Variants in CTTNBP2NL observed in about 807,000 individuals in gnomAD.
CTTNBP2NL encodes CTTNBP2 N-terminal-like protein.
In CTTNBP2NL, 16 loss-of-function variants were observed where a neutral mutation model predicts 32.5. That is an observed-to-expected ratio of 0.49 (90% CI 0.33 to 0.75). The LOEUF (loss-of-function observed/expected upper bound fraction) is 0.75, where lower values mean the gene tolerates loss of function less well. Ranked by LOEUF, CTTNBP2NL falls within the 30% of genes least tolerant of loss-of-function variation. The probability of loss-of-function intolerance (pLI) is 0.02; values close to 1 mark genes in which losing one functional copy is unlikely to be tolerated. For missense variants in CTTNBP2NL, 645 were observed against 756.0 expected (o/e 0.85, Z 1.72); for synonymous variants, 298 against 289.4 (o/e 1.03, Z -0.30).
In CTTNBP2NL at chr1:112,459,619, G is replaced by A. The variant is rs1027234504; in HGVS notation, c.*2207G>A. ...AGGTGTCTATCAAAATGATGTAGGG[G>A]GTATCTTAAACTGTCCAAGGCAATC... On this transcript the variant is annotated 3_prime_UTR_variant, in exon 6 of 6. Coordinates refer to ENST00000271277, the MANE Select transcript of CTTNBP2NL (RefSeq NM_018704.3). 1 of 152,098 alleles carries A rather than the reference G, an allele frequency of 6.6e-6. No homozygotes were observed. Among genetic ancestry groups the A allele is most frequent in the Non-Finnish European group, 1.5e-5 (1 of 68,014 alleles). The allele number at this position is 152,098 out of a possible 1,614,324, so 9.4% of individuals were successfully genotyped here. A position where few individuals can be genotyped will look rare whatever the true frequency, so the allele number is the denominator to read the frequency against.
rs114065450 is a variant in CTTNBP2NL, at chr1:112,440,874, C to G, written c.100-8068C>G. On this transcript the variant is annotated intron_variant, in intron 3 of 5. Transcript: ENST00000271277. ...TAGATATGTAAAAAGCACACTGTTT[C>G]GCAGGCAATAAACGCTCGAGTGTTA... 6.3e-3 allele frequency among the ~76,000 whole-genome samples: 960 copies of G among 152,138 alleles called. 9 individuals are homozygous for G. Among genetic ancestry groups the G allele is most frequent in the African/African-American group, 0.022 (902 of 41,526 alleles).
intron 3 of CTTNBP2NL, among the ~76,000 whole-genome samples, chr1:112,418,902 G>T (rs965061290): frequency 6.6e-6 from 1 of 152,054 alleles, no homozygotes; most frequent in Admixed American, 6.5e-5. Context: ...ATTCCACATC[G>T]GGTATATTAC....
intron 1 of CTTNBP2NL, among the ~76,000 whole-genome samples, chr1:112,403,224 C>G (rs907074173): frequency 2.0e-5 from 3 of 152,266 alleles, no homozygotes; most frequent in African/African-American, 7.2e-5. Flanking sequence ...TTTCCATTTT[C>G]TCTTCAGTCA....
At chr1:112,415,081 C>T (rs936313685) in intron 2 of CTTNBP2NL, among the ~76,000 whole-genome samples, 7 of 152,016 alleles carry the variant, frequency 4.6e-5, no homozygotes, top group Non-Finnish European at 8.8e-5. Flanking sequence ...ATCCTAGCTA[C>T]TTGGGAGGCT....
intron 1 of CTTNBP2NL, among the ~76,000 whole-genome samples, chr1:112,407,461 C>G (rs758632527): frequency 2.0e-5 from 3 of 152,210 alleles, no homozygotes; most frequent in Non-Finnish European, 4.4e-5. Flanking sequence ...TGTCTTAACT[C>G]TGACCCGTCT....
intron 1 of CTTNBP2NL, among the ~76,000 whole-genome samples, chr1:112,407,276 G>C (rs183261996): frequency 1.3e-5 from 2 of 152,314 alleles, no homozygotes; most frequent in East Asian, 1.9e-4. Flanking sequence ...TGGTTAACAT[G>C]TTGTGTGAGT....
intron 3 of CTTNBP2NL, among the ~76,000 whole-genome samples, chr1:112,420,143 A>G (rs1649180803): frequency 6.9e-6 from 1 of 145,008 alleles, no homozygotes; most frequent in Admixed American, 6.8e-5. Flanking sequence ...TTAGAGTTGG[A>G]GTGGCTTTTT....
At chr1:112,448,899 A>T in intron 3 of CTTNBP2NL, 43 bp from the exon 4 acceptor site, 1 of 1,105,580 alleles carries the variant, frequency 9.0e-7, no homozygotes, top group Non-Finnish European at 1.4e-6. Flanking sequence ...CTTCCTCAGT[A>T]GTTTTAAAAA....
At position 112,420,875 on chromosome 1, in the gene CTTNBP2NL, A is replaced by G. The variant is rs529712368; in HGVS notation, c.99+4611A>G. ...TCAAAACCATCAACCAGAACATTCA[A>G]TTAAGTGTAGCTGTTAGGAATGTGA... On this transcript the variant is annotated intron_variant, in intron 3 of 5. Coordinates refer to ENST00000271277, the MANE Select transcript of CTTNBP2NL (RefSeq NM_018704.3). Among the ~76,000 whole-genome samples, 4 of 152,352 alleles carry G rather than the reference A, an allele frequency of 2.6e-5. No homozygotes were observed. In the South Asian group the frequency reaches 6.2e-4, roughly 24 times the overall value.
intron 3 of CTTNBP2NL, among the ~76,000 whole-genome samples, chr1:112,417,889 C>T (rs1433425295): frequency 7.8e-6 from 1 of 127,522 alleles, no homozygotes; most frequent in Non-Finnish European, 1.8e-5. Flanking sequence ...GATTTTACTG[C>T]ATTATTTGTA....
chr1:112,402,119 A>G (rs1409988994), intron 1 of CTTNBP2NL, among the ~76,000 whole-genome samples: 1 of 152,174 alleles, frequency 6.6e-6, no homozygotes, highest in Non-Finnish European at 1.5e-5. Flanking sequence ...TCTACTCACC[A>G]TAGAAAGGTG....
chr1:112,436,658 T>A (rs200428207), intron 3 of CTTNBP2NL, among the ~76,000 whole-genome samples: 1 of 2,004 alleles, frequency 5.0e-4, no homozygotes, highest in South Asian at 0.033. Flanking sequence ...TTAGTACACT[T>A]TTTTTTTTTT....
Position 112,456,792 on chromosome 1 carries a change from A to T in CTTNBP2NL, c.1300A>T (p.Thr434Ser), listed in dbSNP as rs1335757336. ...TSSPCSSPVL[T>S]KRLLGSSASS... ...CTCTCCTTGCTCTTCGCCGGTACTC[A>T]CTAAGCGTTTATTGGGGTCATCAGC... Residue 434 changes from threonine to serine, a missense_variant, in exon 6 of 6, where the codon ACT becomes TCT. Coordinates refer to ENST00000271277, the MANE Select transcript of CTTNBP2NL (RefSeq NM_018704.3). The T allele has an allele frequency of 6.2e-7, 1 of 1,613,876 alleles. No homozygotes were observed. Among genetic ancestry groups the T allele is most frequent in the East Asian group, 2.2e-5 (1 of 44,870 alleles).
chr1:112,435,909 T>C (rs1226360089), intron 3 of CTTNBP2NL, among the ~76,000 whole-genome samples: 2 of 152,176 alleles, frequency 1.3e-5, no homozygotes, highest in African/African-American at 4.8e-5. Flanking sequence ...AAAATTAGCT[T>C]GTCTTTCTTC....
chr1:112,398,578 C>G (rs1648398029), intron 1 of CTTNBP2NL, among the ~76,000 whole-genome samples: 1 of 152,086 alleles, frequency 6.6e-6, no homozygotes, highest in African/African-American at 2.4e-5. Flanking sequence ...CTTCATTTAA[C>G]TTGATTTTCC....
At chr1:112,452,850 C>T (rs756495303) in intron 4 of CTTNBP2NL, among the ~76,000 whole-genome samples, 1 of 151,802 alleles carries the variant, frequency 6.6e-6, no homozygotes, top group East Asian at 1.9e-4. Flanking sequence ...GGGTTGGGCA[C>T]AGTGGGTCAC....
upstream of CTTNBP2NL, among the ~76,000 whole-genome samples, chr1:112,393,002 C>A (rs1008977873): frequency 2.6e-5 from 4 of 152,070 alleles, no homozygotes; most frequent in Non-Finnish European, 5.9e-5. Context: ...GGATTACAGG[C>A]ACCCGCCACC....
At chr1:112,439,255 T>C (rs1649828467) in intron 3 of CTTNBP2NL, among the ~76,000 whole-genome samples, 1 of 152,106 alleles carries the variant, frequency 6.6e-6, no homozygotes, top group African/African-American at 2.4e-5. Flanking sequence ...CCCTGTCTCT[T>C]TTCACACCCC....
chr1:112,399,684 G>A (rs1648437691), intron 1 of CTTNBP2NL, among the ~76,000 whole-genome samples: 1 of 152,196 alleles, frequency 6.6e-6, no homozygotes, highest in Non-Finnish European at 1.5e-5. Flanking sequence ...GCAGGAAGCA[G>A]AGATATGCTT....
Sources: gnomAD v4.1 joint callset for allele counts (sites outside exome capture counted in the v4.1 genomes callset) on GRCh38, gnomAD v4.1.1 for gene constraint, MANE v1.5 for transcripts, NCBI Gene and HGNC (gene_info 2026-07-23, HGNC 2026-07-21) for gene names.